Variants in SHANK2 observed in about 807,000 individuals in gnomAD.
SHANK2 encodes the protein SH3 and multiple ankyrin repeat domains protein 2.
In SHANK2, 43 loss-of-function variants were observed where a neutral mutation model predicts 133.7. That is an observed-to-expected ratio of 0.32 (90% CI 0.25 to 0.41). The LOEUF (loss-of-function observed/expected upper bound fraction) is 0.41. Among genes scored for constraint, SHANK2 ranks in the 10% least tolerant of loss-of-function variants. The pLI is 1.00. For missense variants in SHANK2, 1,994 were observed against 2,235.8 expected (o/e 0.89, Z 2.18); for synonymous variants, 1,017 against 952.8 (o/e 1.07, Z -1.24).
rs957222290 is a variant in SHANK2 at position 71,075,080 on chromosome 11, C to T, written c.1029+79G>A. 193 of 160,324 alleles carry T rather than the reference C, an allele frequency of 1.2e-3. 1 individual carries two copies. The highest frequency in any genetic ancestry group is 4.3e-3 in the African/African-American group (178 of 41,728). 9.9% of individuals were successfully genotyped at this position (160,324 alleles called of 1,614,324 possible). A position where few individuals can be genotyped will look rare whatever the true frequency, so the allele number is the denominator to read the frequency against. On this transcript the variant is annotated intron_variant, in intron 9 of 25. Coordinates refer to ENST00000601538, the MANE Select transcript of SHANK2 (RefSeq NM_012309.5). The stretch of plus-strand genomic sequence containing the variant: ...GGCATGAGCCACCGCGCCCGGCTGA[C>T]GTAAGCCAATTTAAGGCACTTTGTT...
intron 17 of SHANK2, among the ~76,000 whole-genome samples, chr11:70,656,544 G>C (rs970268650): frequency 1.3e-5 from 2 of 152,022 alleles, no homozygotes; most frequent in South Asian, 2.1e-4. Context: ...CTTCTCCCCT[G>C]GGCTGGCTGA....
chr11:70,548,227 C>T (rs1298559212), intron 17 of SHANK2, among the ~76,000 whole-genome samples: 2 of 152,244 alleles, frequency 1.3e-5, no homozygotes, highest in Non-Finnish European at 2.9e-5. Context: ...CGGCCCGCTG[C>T]CTGAAATAGA....
At chr11:70,506,475 C>G (rs1476986514) in intron 17 of SHANK2, among the ~76,000 whole-genome samples, 3 of 152,192 alleles carry the variant, frequency 2.0e-5, no homozygotes, top group Admixed American at 6.5e-5. Flanking sequence ...GGAAACATCA[C>G]TTGGCCTTCT....
chr11:71,164,602 C>CATCACACAACAAA (rs1953101509), intron 2 of SHANK2, among the ~76,000 whole-genome samples: 1 of 152,212 alleles, frequency 6.6e-6, no homozygotes, highest in Non-Finnish European at 1.5e-5. Context: ...GAACTGGGAA[C>CATCACACAACAAA]ATCACACAAC....
chr11:70,508,231 C>T (rs2135862825), intron 17 of SHANK2, among the ~76,000 whole-genome samples: 1 of 152,346 alleles, frequency 6.6e-6, no homozygotes, highest in Non-Finnish European at 1.5e-5. Context: ...CTGCTGGGCA[C>T]ACACCTGCCC....
rs567717626 is a variant in SHANK2, at chr11:70,787,707, T to TACC, written c.1777+10733_1777+10735dup. 4.5e-3 allele frequency among the ~76,000 whole-genome samples: 675 copies of TACC among 149,532 alleles called. 2 individuals are homozygous for TACC. Among genetic ancestry groups the TACC allele is most frequent in the Non-Finnish European group, 7.4e-3 (494 of 67,170 alleles). On this transcript the variant is annotated intron_variant, in intron 14 of 25. Transcript: ENST00000601538. ...GCTGCCATCAACTACTTATCATCAT[T>TACC]ACCACCACCACCACCACCCCTGGTC...
chr11:71,183,170 G>T (rs1490792227), intron 2 of SHANK2, among the ~76,000 whole-genome samples: 4 of 152,202 alleles, frequency 2.6e-5, no homozygotes, highest in Non-Finnish European at 5.9e-5. Context: ...AAGAGGCTCT[G>T]CAGGCTGGGC....
chr11:71,191,180 G>GAA (rs1260029408), intron 2 of SHANK2, among the ~76,000 whole-genome samples: 1 of 145,824 alleles, frequency 6.9e-6, no homozygotes, highest in African/African-American at 2.5e-5. Flanking sequence ...AAAGAAAAAA[G>GAA]AAAAAAAAAA....
chr11:70,679,582 G>A (rs1441306795), intron 15 of SHANK2, among the ~76,000 whole-genome samples: 1 of 152,266 alleles, frequency 6.6e-6, no homozygotes, highest in Non-Finnish European at 1.5e-5. Context: ...CTGTGCTGGG[G>A]AGAAGTGGGT....
intron 1 of SHANK2, among the ~76,000 whole-genome samples, chr11:71,237,977 G>A (rs1213216897): frequency 6.6e-6 from 1 of 152,162 alleles, no homozygotes; most frequent in African/African-American, 2.4e-5. Flanking sequence ...CCCTCCCAAG[G>A]GGCTCTCCCT....
chr11:71,064,569 A>C (rs974562927), intron 9 of SHANK2, among the ~76,000 whole-genome samples: 213 of 151,854 alleles, frequency 1.4e-3, no homozygotes, highest in African/African-American at 5.0e-3. Flanking sequence ...AGTGGATTTG[A>C]GGGAAGACAG....
intron 11 of SHANK2, among the ~76,000 whole-genome samples, chr11:70,894,190 T>C (rs1949896972): frequency 6.6e-6 from 1 of 152,146 alleles, no homozygotes; most frequent in Admixed American, 6.5e-5. Context: ...GTTTTTGTTT[T>C]GTTTTGTTTT....
chr11:70,859,976 C>T (rs1449187005), intron 11 of SHANK2, among the ~76,000 whole-genome samples: 3 of 152,186 alleles, frequency 2.0e-5, no homozygotes, highest in African/African-American at 7.2e-5. Flanking sequence ...GCTTTGGCAA[C>T]AACCCCACAG....
Position 70,535,802 on chromosome 11 carries a change from C to T in SHANK2, c.2062-32871G>A, listed in dbSNP as rs981637056. Among the ~76,000 whole-genome samples, 12 of 152,232 alleles carry T rather than the reference C, an allele frequency of 7.9e-5. No homozygotes were observed. The highest frequency in any genetic ancestry group is 2.0e-4 in the Admixed American group (3 of 15,288). On this transcript the variant is annotated intron_variant, in intron 17 of 25. Coordinates refer to ENST00000601538, the MANE Select transcript of SHANK2 (RefSeq NM_012309.5). This position sits in a 1 kb window ranked among gnomAD's most constrained non-coding sequence, Gnocchi z 4.3. ...GCAGGAGAGGTTCGGGTGGGCCATC[C>T]GCTGGCAGGGAGCTGGGCCCAGGCA...
At chr11:70,640,727 CA>C (rs1323148218) in intron 17 of SHANK2, among the ~76,000 whole-genome samples, 2 of 152,232 alleles carry the variant, frequency 1.3e-5, no homozygotes, top group African/African-American at 4.8e-5. Flanking sequence ...TTCTCTAGAA[CA>C]GTCCCTCAAG....
chr11:71,171,285 G>C (rs1953308776), intron 2 of SHANK2, among the ~76,000 whole-genome samples: 1 of 152,190 alleles, frequency 6.6e-6, no homozygotes, highest in African/African-American at 2.4e-5. Context: ...GCAGGCTGGA[G>C]TCCCTCGAGG....
chr11:70,872,648 G>A (rs1949488261), intron 11 of SHANK2, among the ~76,000 whole-genome samples: 1 of 152,022 alleles, frequency 6.6e-6, no homozygotes. Context: ...TGAGCTACGT[G>A]GAATGAGAGA....
intron 14 of SHANK2, among the ~76,000 whole-genome samples, chr11:70,714,285 C>T (rs1202803501): frequency 6.6e-6 from 1 of 152,228 alleles, no homozygotes; most frequent in Non-Finnish European, 1.5e-5. Flanking sequence ...ATCACCGTGG[C>T]GCAGCTATGC....
rs1565516733 is a variant in SHANK2, at chr11:71,210,241, TA to T, written c.-13+14455del. Among the ~76,000 whole-genome samples the T allele has an allele frequency of 8.1e-4, 88 of 108,068 alleles. 5 individuals carry two copies. The highest frequency in any genetic ancestry group is 3.0e-3 in the African/African-American group (63 of 21,040). The allele number at this position is 108,068 out of a possible 152,430, so 70.9% of individuals were successfully genotyped here. A position where few individuals can be genotyped will look rare whatever the true frequency, so the allele number is the denominator to read the frequency against. On this transcript the variant is annotated intron_variant, in intron 2 of 25. Coordinates refer to ENST00000601538, the MANE Select transcript of SHANK2 (RefSeq NM_012309.5). ...ATATATATATATATATATATATATA[TA>T]TATATATATATTTATTTATTTTTTG...
Sources: allele counts gnomAD v4.1 joint callset (sites outside exome capture counted in the v4.1 genomes callset), GRCh38; gene constraint gnomAD v4.1.1; non-coding constraint Gnocchi (gnomAD v3.1); transcripts MANE v1.5; gene names NCBI Gene and HGNC (gene_info 2026-07-23, HGNC 2026-07-21).